CACNG3: variants seen among roughly 807,000 people sequenced by gnomAD.
CACNG3 encodes the protein calcium voltage-gated channel auxiliary subunit gamma 3.
In CACNG3, 3 loss-of-function variants were observed where a neutral mutation model predicts 28.5. The ratio of observed to expected loss-of-function variants is 0.11; its 90% CI spans 0.05 to 0.27. The LOEUF (loss-of-function observed/expected upper bound fraction) is 0.27. Among genes scored for constraint, CACNG3 ranks in the 10% least tolerant of loss-of-function variants. CACNG3 has a pLI of 1.00. For missense variants in CACNG3, 236 were observed against 414.4 expected, an observed-to-expected ratio of 0.57 and a Z score of 3.74; for synonymous variants, 174 against 162.2, an observed-to-expected ratio of 1.07 and a Z score of -0.55.
At chr16:24,265,671 A>G (rs993446513) in intron 1 of CACNG3, among the ~76,000 whole-genome samples, 1 of 152,222 alleles carries the variant, frequency 6.6e-6, no homozygotes, top group Non-Finnish European at 1.5e-5. Context: ...ACATTTTAAA[A>G]TGGTTGAAAA....
At chr16:24,271,778 G>C (rs890623985) in intron 1 of CACNG3, among the ~76,000 whole-genome samples, 1 of 151,706 alleles carries the variant, frequency 6.6e-6, no homozygotes, top group African/African-American at 2.4e-5. Flanking sequence ...AGGGCATGGG[G>C]CTCCTGTATG....
chr16:24,268,951 G>A (rs188288679), intron 1 of CACNG3, among the ~76,000 whole-genome samples: 17 of 152,268 alleles, frequency 1.1e-4, no homozygotes, highest in East Asian at 5.8e-4. Context: ...TAGACGATGC[G>A]AATCTGCAGC....
At chr16:24,259,993 A>T (rs1008436181) in intron 1 of CACNG3, among the ~76,000 whole-genome samples, 10 of 152,242 alleles carry the variant, frequency 6.6e-5, no homozygotes, top group African/African-American at 2.4e-4. Context: ...AGCAATTATG[A>T]TGTTAAAGCC....
chr16:24,286,961 C>T (rs1898903252), intron 1 of CACNG3, among the ~76,000 whole-genome samples: 1 of 152,186 alleles, frequency 6.6e-6, no homozygotes, highest in African/African-American at 2.4e-5. Context: ...GTCCTTGCCG[C>T]CAGGCTGACC....
At chr16:24,314,285 A>C (rs968334466) in intron 1 of CACNG3, among the ~76,000 whole-genome samples, 1 of 152,194 alleles carries the variant, frequency 6.6e-6, no homozygotes, top group African/African-American at 2.4e-5. Flanking sequence ...AGTGACAGAC[A>C]GTAGAGCACT....
At chr16:24,344,243 C>A (rs570261588) in intron 1 of CACNG3, among the ~76,000 whole-genome samples, 1 of 151,878 alleles carries the variant, frequency 6.6e-6, no homozygotes, top group African/African-American at 2.4e-5. Context: ...ACCAGCCTGG[C>A]CAACATGGTG....
At chr16:24,326,030 A>G (rs546866442) in intron 1 of CACNG3, among the ~76,000 whole-genome samples, 4 of 152,302 alleles carry the variant, frequency 2.6e-5, no homozygotes, top group African/African-American at 9.6e-5. Flanking sequence ...TCTCAGCTCT[A>G]TTCTGAAATC....
chr16:24,346,830 G>T lies in CACNG3; in HGVS notation c.295+13G>T, dbSNP rs776588148. ...GAATATCTCCTGCGTAAGTTCCCCG[G>T]CTTCTCGGGTCTCTCTGGGAGGAAG... On this transcript the variant is annotated intron_variant, in intron 2 of 3. Coordinates refer to ENST00000005284, the MANE Select transcript of CACNG3 (RefSeq NM_006539.4). 10 of 1,608,836 alleles carry T rather than the reference G, an allele frequency of 6.2e-6. No homozygotes were observed. The highest frequency in any genetic ancestry group is 1.7e-4 in the Middle Eastern group (1 of 6,052).
intron 1 of CACNG3, among the ~76,000 whole-genome samples, chr16:24,283,318 A>G (rs1898854416): frequency 6.6e-6 from 1 of 152,198 alleles, no homozygotes; most frequent in African/African-American, 2.4e-5. Flanking sequence ...GGATATTGAG[A>G]CTTCGCATTT....
chr16:24,316,406 G>A (rs1400544528), intron 1 of CACNG3, among the ~76,000 whole-genome samples: 1 of 151,708 alleles, frequency 6.6e-6, no homozygotes, highest in East Asian at 1.9e-4. Flanking sequence ...CCAAATGTCC[G>A]GCACACTGAG....
At chr16:24,258,793 A>C (rs1898501831) in intron 1 of CACNG3, among the ~76,000 whole-genome samples, 1 of 152,264 alleles carries the variant, frequency 6.6e-6, no homozygotes. Flanking sequence ...ATATGTATAC[A>C]GTGCTTTAGC....
At chr16:24,295,193 C>T (rs1052948772) in intron 1 of CACNG3, among the ~76,000 whole-genome samples, 8 of 152,190 alleles carry the variant, frequency 5.3e-5, no homozygotes, top group Admixed American at 2.0e-4. Context: ...AGTGGTCAGT[C>T]CAGCTTTCTC....
intron 1 of CACNG3, among the ~76,000 whole-genome samples, chr16:24,319,697 T>C (rs1178552838): frequency 6.6e-6 from 1 of 152,112 alleles, no homozygotes; most frequent in Non-Finnish European, 1.5e-5. Flanking sequence ...CAAGCAATCC[T>C]TCTGCCTCAG....
chr16:24,303,569 C>A (rs544822438), intron 1 of CACNG3, among the ~76,000 whole-genome samples: 153 of 151,424 alleles, frequency 1.0e-3, no homozygotes, highest in African/African-American at 3.5e-3. Context: ...TATCTCTTTG[C>A]CTTGTTTTAT....
chr16:24,292,514 C>T (rs983855145), intron 1 of CACNG3, among the ~76,000 whole-genome samples: 10 of 152,182 alleles, frequency 6.6e-5, no homozygotes, highest in Admixed American at 2.0e-4. Context: ...AGTTTCCTTG[C>T]ATCATCATCC....
intron 3 of CACNG3, 38 bp downstream of exon 3, chr16:24,355,011 A>T: frequency 6.3e-7 from 1 of 1,594,882 alleles, no homozygotes; most frequent in Non-Finnish European, 8.6e-7. Context: ...CTTCACAGAT[A>T]CCAAACTGAA....
At chr16:24,297,570 T>C (rs913779351) in intron 1 of CACNG3, among the ~76,000 whole-genome samples, 1 of 152,286 alleles carries the variant, frequency 6.6e-6, no homozygotes, top group African/African-American at 2.4e-5. Flanking sequence ...GAGAACCTAC[T>C]ACCTGCCAGG....
At chr16:24,312,787 C>T (rs544164839) in intron 1 of CACNG3, among the ~76,000 whole-genome samples, 2 of 151,512 alleles carry the variant, frequency 1.3e-5, no homozygotes, top group African/African-American at 4.8e-5. Flanking sequence ...CACTGTACTC[C>T]AGCCCTGGAC....
chr16:24,274,945 T>C (rs921153781), intron 1 of CACNG3, among the ~76,000 whole-genome samples: 5 of 152,198 alleles, frequency 3.3e-5, no homozygotes, highest in African/African-American at 1.2e-4. Context: ...AAAACCGCTG[T>C]CCTCAATCCT....
Sources: allele counts gnomAD v4.1 joint callset (sites outside exome capture counted in the v4.1 genomes callset), GRCh38; gene constraint gnomAD v4.1.1; transcripts MANE v1.5; gene names NCBI Gene and HGNC (gene_info 2026-07-23, HGNC 2026-07-21).